The following ICA1 variants were observed in gnomAD, a reference collection of about 807,000 sequenced individuals.
The protein encoded by ICA1 is 69 kDa islet cell autoantigen.
A neutral mutation model predicts 71.0 loss-of-function variants in ICA1; 40 were observed. The observed-to-expected ratio is 0.56, with a 90% CI of 0.44 to 0.73. The LOEUF (loss-of-function observed/expected upper bound fraction) is 0.73, where lower values mean the gene tolerates loss of function less well. Among genes scored for constraint, ICA1 ranks in the 30% least tolerant of loss-of-function variants. ICA1 has a pLI of 0.00. For synonymous variants in ICA1, 207 were observed against 209.5 expected, an observed-to-expected ratio of 0.99 and a Z score of 0.10; for missense variants, 578 against 576.5, an observed-to-expected ratio of 1.00 and a Z score of -0.03.
intron 9 of ICA1, among the ~76,000 whole-genome samples, chr7:8,143,002 C>T (rs1020161991): frequency 1.3e-5 from 2 of 152,066 alleles, no homozygotes; most frequent in African/African-American, 2.4e-5. Context: ...ATCTGAAAGT[C>T]GATTTAGAAA....
chr7:8,115,935 C>A (rs1410009769), intron 13 of ICA1, among the ~76,000 whole-genome samples: 2 of 152,202 alleles, frequency 1.3e-5, no homozygotes, highest in Non-Finnish European at 2.9e-5. Flanking sequence ...AAATAGCAAA[C>A]CTCAGAGGCC....
chr7:8,176,429 T>G (rs898404762), intron 6 of ICA1, among the ~76,000 whole-genome samples: 3 of 152,234 alleles, frequency 2.0e-5, no homozygotes, highest in Admixed American at 1.3e-4. Flanking sequence ...CTGCAGTCAG[T>G]GCACTTTGCA....
At chr7:8,136,662 T>C (rs1470192087) in intron 12 of ICA1, among the ~76,000 whole-genome samples, 1 of 152,228 alleles carries the variant, frequency 6.6e-6, no homozygotes, top group Admixed American at 6.5e-5. Flanking sequence ...AGACAAATTA[T>C]GTGACATTGA....
chr7:8,259,137 T>G (rs1231936729), intron 1 of ICA1, among the ~76,000 whole-genome samples: 1 of 152,204 alleles, frequency 6.6e-6, no homozygotes, highest in Non-Finnish European at 1.5e-5. Flanking sequence ...TCTGGGACAC[T>G]AAAGTTTGAG....
chr7:8,165,524 G>C (rs1473712094), intron 6 of ICA1, among the ~76,000 whole-genome samples: 1 of 152,090 alleles, frequency 6.6e-6, no homozygotes, highest in Non-Finnish European at 1.5e-5. Context: ...TCCTAGCTTT[G>C]AGCCATGAGG....
chr7:8,149,626 G>A (rs1451412003), intron 8 of ICA1, among the ~76,000 whole-genome samples: 1 of 152,172 alleles, frequency 6.6e-6, no homozygotes, highest in Non-Finnish European at 1.5e-5. Context: ...ACAGACACAA[G>A]GCCAGCAGCC....
intron 1 of ICA1, among the ~76,000 whole-genome samples, chr7:8,237,913 T>C (rs569046931): frequency 2.0e-5 from 3 of 152,212 alleles, no homozygotes; most frequent in African/African-American, 7.2e-5. Flanking sequence ...ATCTTGGCTA[T>C]TGGGAATAAT....
At chr7:8,158,203 C>T (rs889572059) in intron 7 of ICA1, 4 of 261,002 alleles carry the variant, frequency 1.5e-5, no homozygotes, top group Non-Finnish European at 2.9e-5. Flanking sequence ...AGGAGGCTTA[C>T]TGAAAAAGGC....
intron 13 of ICA1, among the ~76,000 whole-genome samples, chr7:8,119,393 C>T (rs1403464649): frequency 6.6e-6 from 1 of 152,108 alleles, no homozygotes; most frequent in Non-Finnish European, 1.5e-5. Flanking sequence ...GAGGCAGACT[C>T]GAAGCATTAT....
At chr7:8,186,966 C>A (rs1459105884) in intron 6 of ICA1, among the ~76,000 whole-genome samples, 1 of 152,146 alleles carries the variant, frequency 6.6e-6, no homozygotes, top group Non-Finnish European at 1.5e-5. Context: ...AATTGGGCAA[C>A]AAGAATGTTT....
intron 6 of ICA1, among the ~76,000 whole-genome samples, chr7:8,211,490 A>G (rs762661419): frequency 2.0e-5 from 3 of 151,972 alleles, no homozygotes; most frequent in Non-Finnish European, 4.4e-5. Flanking sequence ...TCTGAGTACC[A>G]TGGGCCCTGG....
chr7:8,157,525 C>G (rs1015785413), intron 7 of ICA1: 5 of 319,148 alleles, frequency 1.6e-5, no homozygotes, highest in Non-Finnish European at 2.8e-5. Context: ...TCTACTGTTG[C>G]AATCCCTCAG....
At chr7:8,165,861 T>C (rs1805746848) in intron 6 of ICA1, among the ~76,000 whole-genome samples, 1 of 152,122 alleles carries the variant, frequency 6.6e-6, no homozygotes, top group Non-Finnish European at 1.5e-5. Flanking sequence ...CACTGCTCAG[T>C]GAAATCAGAG....
chr7:8,170,649 T>C (rs1807975832), intron 6 of ICA1, among the ~76,000 whole-genome samples: 1 of 152,036 alleles, frequency 6.6e-6, no homozygotes, highest in Non-Finnish European at 1.5e-5. Context: ...TTAATTTTTA[T>C]AACTTCAGCT....
chr7:8,235,658 G>T (rs1563136649), intron 2 of ICA1, among the ~76,000 whole-genome samples: 1 of 152,166 alleles, frequency 6.6e-6, no homozygotes, highest in Non-Finnish European at 1.5e-5. Flanking sequence ...CTATCAGTAG[G>T]TTCCCAAGAG....
intron 8 of ICA1, chr7:8,156,683 G>C (rs1157816074): frequency 7.1e-6 from 5 of 704,506 alleles, no homozygotes; most frequent in Non-Finnish European, 1.1e-5. Flanking sequence ...TCAGAAGTAA[G>C]AGAGGAAAGG....
chr7:8,227,482 T>C (rs1313344818), intron 4 of ICA1, among the ~76,000 whole-genome samples: 1 of 152,020 alleles, frequency 6.6e-6, no homozygotes, highest in African/African-American at 2.4e-5. Context: ...TGCTCACAGA[T>C]CAAGACCTGG....
chr7:8,189,913 G>C (rs1785050573), intron 6 of ICA1, among the ~76,000 whole-genome samples: 1 of 152,194 alleles, frequency 6.6e-6, no homozygotes, highest in South Asian at 2.1e-4. Context: ...GATTTCAAGA[G>C]GTAGGGGATC....
Position 8,113,989 on chromosome 7 carries a change from G to A in ICA1, c.1386C>T (p.Leu462=), listed in dbSNP as rs143701895. ...CAGCATCAGGATTTGAGAGTGGGTC[G>A]AGGTCAGCGAAGAGGCTGAACCAGG... The part of the protein sequence containing the change: ...LTAWFSLFAD[L]DPLSNPDAVG... Residue 462 remains leucine, a synonymous_variant, in exon 14 of 14, where the codon CTC becomes CTT. Coordinates refer to ENST00000402384, the MANE Select transcript of ICA1 (RefSeq NM_001136020.3). This position sits in a 1 kb window ranked among gnomAD's most constrained non-coding sequence, Gnocchi z 4.2. 8.7e-6 allele frequency: 14 copies of A among 1,613,946 alleles called. No homozygotes were observed. The highest frequency in any genetic ancestry group is 4.0e-5 in the African/African-American group (3 of 74,906).
Sources: allele counts gnomAD v4.1 joint callset (sites outside exome capture counted in the v4.1 genomes callset), GRCh38; gene constraint gnomAD v4.1.1; non-coding constraint Gnocchi (gnomAD v3.1); transcripts MANE v1.5; gene names NCBI Gene and HGNC (gene_info 2026-07-23, HGNC 2026-07-21).